Variants in MCMDC2 observed in about 807,000 individuals in gnomAD.
MCMDC2 encodes minichromosome maintenance domain containing 2, also known as minichromosome maintenance domain-containing protein 2.
In MCMDC2, 54 loss-of-function variants were observed where a neutral mutation model predicts 75.8. That is an observed-to-expected ratio of 0.71 (90% CI 0.57 to 0.89). MCMDC2 has a LOEUF of 0.89. Among genes scored for constraint, MCMDC2 ranks in the 40% least tolerant of loss-of-function variants. The pLI, the probability that MCMDC2 is intolerant of heterozygous loss-of-function variation, is 0.00. For synonymous variants in MCMDC2, 249 were observed against 274.6 expected (o/e 0.91, Z 0.92); for missense variants, 656 against 780.4 (o/e 0.84, Z 1.90).
In MCMDC2 at chr8:66,920,797, C is replaced by T. The variant is rs1000402023; in HGVS notation, c.*1628C>T. The stretch of plus-strand genomic sequence containing the variant: ...AAGTAATTCTCCCACCTTAGGCCTC[C>T]GAGTAGCTGGGACTACAGGGACATG... On this transcript the variant is annotated 3_prime_UTR_variant, in exon 15 of 15. Coordinates refer to ENST00000422365, the MANE Select transcript of MCMDC2 (RefSeq NM_173518.5). 9 of 152,014 alleles carry T rather than the reference C, an allele frequency of 5.9e-5. No homozygotes were observed. Among genetic ancestry groups the T allele is most frequent in the African/African-American group, 1.9e-4 (8 of 41,360 alleles). The allele number at this position is 152,014 out of a possible 1,614,324, so 9.4% of individuals were successfully genotyped here. A position where few individuals can be genotyped will look rare whatever the true frequency, so the allele number is the denominator to read the frequency against.
intron 12 of MCMDC2, among the ~76,000 whole-genome samples, chr8:66,899,304 C>T (rs570407151): frequency 6.6e-6 from 1 of 152,314 alleles, no homozygotes; most frequent in Admixed American, 6.5e-5. Context: ...GTAGCTGGGG[C>T]AACAAGTCCT....
At chr8:66,906,189 C>T (rs1444928874) in intron 14 of MCMDC2, among the ~76,000 whole-genome samples, 1 of 152,098 alleles carries the variant, frequency 6.6e-6, no homozygotes, top group Non-Finnish European at 1.5e-5. Flanking sequence ...GAGAGTTATT[C>T]TCCCAAAGTT....
intron 12 of MCMDC2, 141 bp from the exon 13 acceptor site, chr8:66,901,065 C>T (rs1302060107): frequency 4.1e-5 from 26 of 641,518 alleles, no homozygotes; most frequent in Admixed American, 5.8e-5. Context: ...TCAGTGACTT[C>T]AAGATGGCCC....
chr8:66,912,176 G>C (rs1411531475), intron 14 of MCMDC2, among the ~76,000 whole-genome samples: 1 of 152,172 alleles, frequency 6.6e-6, no homozygotes, highest in Non-Finnish European at 1.5e-5. Flanking sequence ...GTTGATTCCA[G>C]CCCTCCTGGA....
intron 1 of MCMDC2, among the ~76,000 whole-genome samples, chr8:66,873,465 A>G (rs1326691141): frequency 6.6e-6 from 1 of 152,200 alleles, no homozygotes; most frequent in Non-Finnish European, 1.5e-5. Context: ...CAACACCTGG[A>G]AAGGACCCTC....
intron 9 of MCMDC2, among the ~76,000 whole-genome samples, chr8:66,887,597 A>G (rs1811905845): frequency 6.6e-6 from 1 of 152,086 alleles, no homozygotes; most frequent in Admixed American, 6.6e-5. Flanking sequence ...AAGGTCATGA[A>G]GAGTTTTTAA....
At chr8:66,910,000 G>C (rs2130862305) in intron 14 of MCMDC2, among the ~76,000 whole-genome samples, 1 of 152,326 alleles carries the variant, frequency 6.6e-6, no homozygotes, top group East Asian at 1.9e-4. Context: ...GCTAAAAGGG[G>C]CTAACGTATA....
chr8:66,925,170 G>C (rs1365969179), downstream of MCMDC2, among the ~76,000 whole-genome samples: 2 of 152,242 alleles, frequency 1.3e-5, no homozygotes, highest in African/African-American at 4.8e-5. Flanking sequence ...CCCTTGCCCA[G>C]TTTCTGAGCA....
chr8:66,905,488 CATTT>C lies in MCMDC2; in HGVS notation c.1879+157_1879+160del, dbSNP rs1448858726. On this transcript the variant is annotated intron_variant, in intron 14 of 14. Transcript: ENST00000422365. ...CAGGTAAGGCCTGTTTTAATTTGGG[CATTT>C]ATTAACTGTTTCTGGGTAGTATCAT... The C allele has an allele frequency of 1.2e-5, 7 of 603,250 alleles. No individual in the cohort carries two copies. The African/African-American group carries it at 1.2e-4, about 10-fold the overall frequency. 37.4% of individuals were successfully genotyped at this position (603,250 alleles called of 1,614,324 possible).
chr8:66,910,079 G>A (rs146733819), intron 14 of MCMDC2, among the ~76,000 whole-genome samples: 3,762 of 152,332 alleles, frequency 0.025, 164 homozygotes, highest in African/African-American at 0.085. Flanking sequence ...TTGGGCCTGC[G>A]GGTGCACAGA....
chr8:66,925,499 G>A (rs1293681367), downstream of MCMDC2: 1 of 152,998 alleles, frequency 6.5e-6, no homozygotes, highest in Non-Finnish European at 1.5e-5. Context: ...CATGACTAAC[G>A]GCTCTTCGCG....
intron 12 of MCMDC2, among the ~76,000 whole-genome samples, chr8:66,898,656 A>AAATT (rs1401046978): frequency 2.0e-5 from 3 of 151,866 alleles, no homozygotes; most frequent in African/African-American, 7.2e-5. Context: ...TACATAAAAT[A>AAATT]GTTAAGGAAC....
intron 12 of MCMDC2, among the ~76,000 whole-genome samples, chr8:66,900,567 A>T (rs1320417481): frequency 6.6e-6 from 1 of 152,208 alleles, no homozygotes; most frequent in Non-Finnish European, 1.5e-5. Flanking sequence ...TGAATTGAAA[A>T]AACTAGAAAA....
At chr8:66,908,620 GT>G (rs1309228544) in intron 14 of MCMDC2, among the ~76,000 whole-genome samples, 1 of 151,962 alleles carries the variant, frequency 6.6e-6, no homozygotes, top group African/African-American at 2.4e-5. Flanking sequence ...TTTTTGTTTT[GT>G]TTTGTTTTTG....
In MCMDC2 at chr8:66,921,460, A is replaced by AG. The variant is rs1459183875; in HGVS notation, c.*2293dup. The AG allele has an allele frequency of 2.9e-4, 44 of 152,352 alleles. No individual in the cohort carries two copies. The highest frequency in any genetic ancestry group is 9.9e-4 in the African/African-American group (41 of 41,584). 9.4% of individuals were successfully genotyped at this position (152,352 alleles called of 1,614,324 possible). On this transcript the variant is annotated 3_prime_UTR_variant, in exon 15 of 15. Coordinates refer to ENST00000422365, the MANE Select transcript of MCMDC2 (RefSeq NM_173518.5). ...ATATAAAAATTATAACCTTGGTAAAAGGAATTTATAAGCTAGTACTCAACA... is the reference window on the plus strand; with the variant it reads ...ATATAAAAATTATAACCTTGGTAAAAGGGAATTTATAAGCTAGTACTCAACA...
chr8:66,908,030 T>A (rs1812972809), intron 14 of MCMDC2, among the ~76,000 whole-genome samples: 1 of 152,236 alleles, frequency 6.6e-6, no homozygotes, highest in East Asian at 1.9e-4. Flanking sequence ...GCCTGTTCAC[T>A]CTGATGATAG....
At position 66,920,272 on chromosome 8, in the gene MCMDC2, GCT is replaced by G. The variant is rs2130878387; in HGVS notation, c.*1106_*1107del. On this transcript the variant is annotated 3_prime_UTR_variant, in exon 15 of 15. Transcript: ENST00000422365. ...TTTTGTTTTTTTGAGATGGGGTCTC[GCT>G]CTGTCATGCAGGCTGGAGTGCAGTG... The G allele has an allele frequency of 6.6e-6, 1 of 152,336 alleles. No homozygotes were observed. Among genetic ancestry groups the G allele is most frequent in the Non-Finnish European group, 1.5e-5 (1 of 68,154 alleles). 9.4% of individuals were successfully genotyped at this position (152,336 alleles called of 1,614,324 possible).
chr8:66,912,511 A>AAT, intron 14 of MCMDC2, among the ~76,000 whole-genome samples: 1 of 152,330 alleles, frequency 6.6e-6, no homozygotes, highest in Admixed American at 6.5e-5. Context: ...ACTGTGGGTA[A>AAT]ATATGCTATC....
Position 66,884,007 on chromosome 8 carries a change from C to A in MCMDC2, c.1073+13C>A. On this transcript the variant is annotated intron_variant, in intron 9 of 14. Coordinates refer to ENST00000422365, the MANE Select transcript of MCMDC2 (RefSeq NM_173518.5). ...TACTCATAGACAGGTATATATGTGA[C>A]ATGAATTTTTACAAATATTAATTGG... 4 of 1,533,366 alleles carry A rather than the reference C, an allele frequency of 2.6e-6. No homozygotes were observed. Among genetic ancestry groups the A allele is most frequent in the Non-Finnish European group, 2.7e-6 (3 of 1,109,240 alleles). 95.0% of individuals were successfully genotyped at this position (1,533,366 alleles called of 1,614,324 possible).
Sources: gnomAD v4.1 joint callset for allele counts (sites outside exome capture counted in the v4.1 genomes callset) on GRCh38, gnomAD v4.1.1 for gene constraint, MANE v1.5 for transcripts, NCBI Gene and HGNC (gene_info 2026-07-23, HGNC 2026-07-21) for gene names.